CGGBP1: variants seen among roughly 807,000 people sequenced by gnomAD.
CGGBP1 encodes the protein CGG triplet repeat-binding protein 1.
In CGGBP1, 4 loss-of-function variants were observed where a neutral mutation model predicts 11.4. The observed-to-expected ratio is 0.35, with a 90% confidence interval of 0.17 to 0.80. CGGBP1 has a LOEUF of 0.80. Among genes scored for constraint, CGGBP1 ranks in the 30% least tolerant of loss-of-function variants. The pLI, the probability that CGGBP1 is intolerant of heterozygous loss-of-function variation, is 0.52. For missense variants in CGGBP1, 135 were observed against 202.1 expected, an observed-to-expected ratio of 0.67 and a Z score of 2.01; for synonymous variants, 76 against 74.1, an observed-to-expected ratio of 1.03 and a Z score of -0.13.
chr3:88,125,410 T>C (rs1156559142), intron 2 of CGGBP1, among the ~76,000 whole-genome samples: 1 of 152,172 alleles, frequency 6.6e-6, no homozygotes, highest in Non-Finnish European at 1.5e-5. Flanking sequence ...AAGCAGATTC[T>C]CTGAAAAACA....
At position 88,052,696 on chromosome 3, in the gene CGGBP1, G is replaced by A. The variant is rs1332461426; in HGVS notation, c.*2777C>T. ...CCCTGAAAATTCAATAGGGCCAAAT[G>A]CATTAACTGGAAATAGCATTTTTTT... On this transcript the variant is annotated 3_prime_UTR_variant, in exon 4 of 4. Transcript: ENST00000482016. 6.6e-6 allele frequency: 1 copy of A among 152,112 alleles called. No homozygotes were observed. The highest frequency in any genetic ancestry group is 2.4e-5 in the African/African-American group (1 of 41,310). 9.4% of individuals were successfully genotyped at this position (152,112 alleles called of 1,614,324 possible). A position where few individuals can be genotyped will look rare whatever the true frequency, so the allele number is the denominator to read the frequency against.
chr3:88,111,407 C>G (rs1280130662), intron 2 of CGGBP1, among the ~76,000 whole-genome samples: 1 of 151,840 alleles, frequency 6.6e-6, no homozygotes, highest in Non-Finnish European at 1.5e-5. Context: ...TCCCCCACCC[C>G]CTGACCCCTC....
At chr3:88,118,509 TTTA>T (rs1705553899) in intron 2 of CGGBP1, among the ~76,000 whole-genome samples, 1 of 151,952 alleles carries the variant, frequency 6.6e-6, no homozygotes, top group Admixed American at 6.6e-5. Flanking sequence ...CCTCCCAGAT[TTTA>T]TTATTTTTAG....
Position 88,086,210 on chromosome 3 carries a change from T to C in CGGBP1, c.-228-27987A>G, listed in dbSNP as rs1308357305. On this transcript the variant is annotated intron_variant, in intron 2 of 3. Coordinates refer to the CGGBP1 transcript ENST00000462901. ...TTTATGCAAATTTTTAAACTCGAGA[T>C]GTTGAGAACTTTTTCTATAGTAATG... The C allele has an allele frequency of 2.7e-6, 4 of 1,484,344 alleles. No homozygotes were observed. The African/African-American group carries it at 5.6e-5, about 21-fold the overall frequency. The allele number at this position is 1,484,344 out of a possible 1,614,324, so 91.9% of individuals were successfully genotyped here.
chr3:88,088,377 T>C (rs1254738153), intron 2 of CGGBP1, among the ~76,000 whole-genome samples: 1 of 152,154 alleles, frequency 6.6e-6, no homozygotes, highest in African/African-American at 2.4e-5. Context: ...AGTGTTAATG[T>C]TGAAAATAAA....
intron 2 of CGGBP1, among the ~76,000 whole-genome samples, chr3:88,132,159 G>C (rs1329230248): frequency 6.6e-6 from 1 of 152,086 alleles, no homozygotes; most frequent in African/African-American, 2.4e-5. Flanking sequence ...CTAGTAAGTA[G>C]TGAAGCCAGG....
intron 2 of CGGBP1, among the ~76,000 whole-genome samples, chr3:88,137,982 A>G (rs1706900155): frequency 6.6e-6 from 1 of 152,124 alleles, no homozygotes. Flanking sequence ...ACCACTAGAG[A>G]CACTATTATA....
At chr3:88,072,602 T>C in intron 2 of CGGBP1, among the ~76,000 whole-genome samples, 1 of 152,188 alleles carries the variant, frequency 6.6e-6, no homozygotes, top group Middle Eastern at 3.2e-3. Context: ...TAGACTCTTA[T>C]TAGAGAGATA....
intron 2 of CGGBP1, among the ~76,000 whole-genome samples, chr3:88,125,690 C>T (rs1254464746): frequency 6.6e-6 from 1 of 152,160 alleles, no homozygotes; most frequent in East Asian, 1.9e-4. Context: ...TTTTGTCTAC[C>T]TGCCAGCCAG....
chr3:88,109,278 G>A (rs977100967), intron 2 of CGGBP1, among the ~76,000 whole-genome samples: 3 of 151,810 alleles, frequency 2.0e-5, no homozygotes, highest in African/African-American at 4.8e-5. Flanking sequence ...GTATGTCAAC[G>A]TTACCCACAA....
chr3:88,088,454 AC>A (rs759647404), intron 2 of CGGBP1, among the ~76,000 whole-genome samples: 27 of 152,210 alleles, frequency 1.8e-4, no homozygotes, highest in Non-Finnish European at 3.1e-4. Flanking sequence ...AACATTAAAA[AC>A]ATCAGTATCA....
At chr3:88,102,937 A>G (rs1368317694) in intron 2 of CGGBP1, among the ~76,000 whole-genome samples, 1 of 150,964 alleles carries the variant, frequency 6.6e-6, no homozygotes, top group Non-Finnish European at 1.5e-5. Context: ...CCCATAACCC[A>G]GGTGGTAAGC....
intron 2 of CGGBP1, among the ~76,000 whole-genome samples, chr3:88,136,933 A>G (rs1458695994): frequency 6.6e-6 from 1 of 152,060 alleles, no homozygotes; most frequent in Non-Finnish European, 1.5e-5. Flanking sequence ...GATGGCTTAC[A>G]CCAGTAATCC....
upstream of CGGBP1, chr3:88,059,352 A>G: frequency 1.3e-6 from 2 of 1,534,872 alleles, no homozygotes; most frequent in Non-Finnish European, 1.7e-6. Context: ...AAGAGGCCGA[A>G]CGCCTCGGAG....
intron 2 of CGGBP1, among the ~76,000 whole-genome samples, chr3:88,122,386 G>A (rs766235067): frequency 3.9e-5 from 6 of 152,116 alleles, no homozygotes; most frequent in Non-Finnish European, 8.8e-5. Flanking sequence ...AACTGCTGAC[G>A]GATCCAGACC....
At chr3:88,072,025 A>C (rs1314885868) in intron 2 of CGGBP1, among the ~76,000 whole-genome samples, 1 of 152,196 alleles carries the variant, frequency 6.6e-6, no homozygotes, top group African/African-American at 2.4e-5. Context: ...TAGATATCTT[A>C]GGCATAAATC....
intron 2 of CGGBP1, among the ~76,000 whole-genome samples, chr3:88,067,364 A>AT (rs1469920820): frequency 6.6e-6 from 1 of 152,214 alleles, no homozygotes; most frequent in Non-Finnish European, 1.5e-5. Flanking sequence ...GATCTTAGAG[A>AT]TAGCTGGACT....
chr3:88,118,846 C>T (rs1484934523), intron 2 of CGGBP1, among the ~76,000 whole-genome samples: 1 of 152,028 alleles, frequency 6.6e-6, no homozygotes, highest in Non-Finnish European at 1.5e-5. Context: ...TACCATCTCA[C>T]ACCAGTTAGA....
At chr3:88,145,221 T>C (rs1559743154) in intron 1 of CGGBP1, among the ~76,000 whole-genome samples, 1 of 152,120 alleles carries the variant, frequency 6.6e-6, no homozygotes, top group Non-Finnish European at 1.5e-5. Context: ...TTTCGTTCAC[T>C]AACAAAGGAA....
Sources: allele counts gnomAD v4.1 joint callset (sites outside exome capture counted in the v4.1 genomes callset), GRCh38; gene constraint gnomAD v4.1.1; transcripts MANE v1.5; gene names NCBI Gene and HGNC (gene_info 2026-07-23, HGNC 2026-07-21).